The following PLEKHA1 variants were observed in gnomAD, a reference collection of about 807,000 sequenced individuals.
The protein encoded by PLEKHA1 is pleckstrin homology domain-containing family A member 1.
PLEKHA1 carries 34 observed loss-of-function variants against 52.0 expected under a neutral mutation model. The ratio of observed to expected loss-of-function variants is 0.65; its 90% CI spans 0.50 to 0.87. PLEKHA1 has a LOEUF of 0.87. Ranked by LOEUF, PLEKHA1 falls within the 40% of genes least tolerant of loss-of-function variation. PLEKHA1 has a pLI of 0.00. For synonymous variants in PLEKHA1, 163 were observed against 170.7 expected, an observed-to-expected ratio of 0.95 and a Z score of 0.35; for missense variants, 497 against 504.2, an observed-to-expected ratio of 0.99 and a Z score of 0.14.
At chr10:122,377,724 A>G (rs932212582) in intron 1 of PLEKHA1, among the ~76,000 whole-genome samples, 41 of 152,210 alleles carry the variant, frequency 2.7e-4, no homozygotes, top group African/African-American at 9.2e-4. Flanking sequence ...GACCCTAAGT[A>G]ACTTTTTTTC....
chr10:122,397,796 T>C (rs2096871357), intron 2 of PLEKHA1, 122 bp from the exon 3 acceptor site: 2 of 738,988 alleles, frequency 2.7e-6, no homozygotes, highest in Admixed American at 2.9e-5. Flanking sequence ...GAAAAGTTCA[T>C]TTGTAAAATG....
intron 5 of PLEKHA1, among the ~76,000 whole-genome samples, chr10:122,408,606 G>C (rs1249385771): frequency 2.0e-5 from 3 of 152,036 alleles, no homozygotes; most frequent in Non-Finnish European, 4.4e-5. Flanking sequence ...GTATAGATTT[G>C]ATAGTACTTA....
At chr10:122,396,426 A>G (rs1006802406) in intron 2 of PLEKHA1, among the ~76,000 whole-genome samples, 1 of 152,096 alleles carries the variant, frequency 6.6e-6, no homozygotes. Context: ...ATGAATTATA[A>G]TTTTATTTTA....
intron 1 of PLEKHA1, among the ~76,000 whole-genome samples, chr10:122,376,518 AT>A (rs367710283): frequency 9.2e-5 from 4 of 43,546 alleles, no homozygotes; most frequent in African/African-American, 1.8e-4. Flanking sequence ...ATATATATAT[AT>A]ATATATATAT....
chr10:122,409,432 T>G (rs914379577), intron 5 of PLEKHA1, among the ~76,000 whole-genome samples: 1 of 142,040 alleles, frequency 7.0e-6, no homozygotes, highest in Admixed American at 6.9e-5. Flanking sequence ...TCATTTATAG[T>G]GGAAATATAT....
intron 1 of PLEKHA1, among the ~76,000 whole-genome samples, chr10:122,384,564 G>A (rs543004708): frequency 4.7e-5 from 7 of 147,424 alleles, no homozygotes; most frequent in African/African-American, 1.0e-4. Context: ...CGCCGAGATC[G>A]TGCCACTGCA....
chr10:122,385,604 C>T (rs771586199), intron 1 of PLEKHA1, among the ~76,000 whole-genome samples: 2 of 152,204 alleles, frequency 1.3e-5, no homozygotes, highest in Non-Finnish European at 2.9e-5. Flanking sequence ...GCGTGAGCCA[C>T]TGTGCCCAGC....
intron 6 of PLEKHA1, 71 bp from the exon 7 acceptor site, chr10:122,415,788 A>G (rs2097166355): frequency 1.4e-6 from 2 of 1,403,432 alleles, no homozygotes; most frequent in South Asian, 2.8e-5. Flanking sequence ...AAGATTTTCT[A>G]CTGGGATAAT....
chr10:122,412,449 AG>A (rs1343537453), intron 5 of PLEKHA1: 4 of 153,118 alleles, frequency 2.6e-5, no homozygotes, highest in Admixed American at 1.9e-4. Flanking sequence ...AATCATGGGT[AG>A]GAATGGAGAA....
chr10:122,397,599 C>T (rs541947073), intron 2 of PLEKHA1, among the ~76,000 whole-genome samples: 1 of 152,138 alleles, frequency 6.6e-6, no homozygotes, highest in Admixed American at 6.5e-5. Context: ...ATATTTCCCC[C>T]TTGCTTTCAG....
intron 7 of PLEKHA1, among the ~76,000 whole-genome samples, chr10:122,417,438 C>G (rs761983437): frequency 6.6e-6 from 1 of 151,850 alleles, no homozygotes; most frequent in Non-Finnish European, 1.5e-5. Context: ...CACCTGAGGT[C>G]AGGAGTTTGA....
At chr10:122,375,911 G>A (rs769724789) in intron 1 of PLEKHA1, among the ~76,000 whole-genome samples, 1 of 152,172 alleles carries the variant, frequency 6.6e-6, no homozygotes, top group Non-Finnish European at 1.5e-5. Context: ...CCCCTTGTGA[G>A]TTAGTTTTCT....
chr10:122,412,648 C>G, intron 5 of PLEKHA1: 1 of 365,878 alleles, frequency 2.7e-6, no homozygotes, highest in Non-Finnish European at 5.0e-6. Flanking sequence ...GGTAGAGCCC[C>G]TATGCATAGG....
At chr10:122,385,712 C>T (rs2096683646) in intron 1 of PLEKHA1, among the ~76,000 whole-genome samples, 1 of 152,102 alleles carries the variant, frequency 6.6e-6, no homozygotes, top group South Asian at 2.1e-4. Flanking sequence ...AGCAGTATTC[C>T]ATCTCTACTG....
intron 5 of PLEKHA1, among the ~76,000 whole-genome samples, chr10:122,407,284 T>C (rs1428801926): frequency 6.6e-6 from 1 of 152,192 alleles, no homozygotes; most frequent in African/African-American, 2.4e-5. Flanking sequence ...TGCCCTCCTT[T>C]CCCATGCTAC....
intron 1 of PLEKHA1, chr10:122,387,539 G>A (rs892522345): frequency 2.0e-5 from 3 of 152,048 alleles, no homozygotes; most frequent in Non-Finnish European, 4.4e-5. Flanking sequence ...GTATTTATAT[G>A]GTATATACCT....
At chr10:122,407,414 G>A (rs945831348) in intron 5 of PLEKHA1, among the ~76,000 whole-genome samples, 9 of 152,142 alleles carry the variant, frequency 5.9e-5, no homozygotes, top group African/African-American at 2.2e-4. Flanking sequence ...CTGGAAAAGT[G>A]AGGCTTAGAA....
chr10:122,397,794 C>A, intron 2 of PLEKHA1, 124 bp from the exon 3 acceptor site: 1 of 730,688 alleles, frequency 1.4e-6, no homozygotes, highest in South Asian at 2.5e-5. Flanking sequence ...AAGAAAAGTT[C>A]ATTTGTAAAA....
chr10:122,421,243 G>A (rs2097256294), intron 8 of PLEKHA1: 1 of 152,074 alleles, frequency 6.6e-6, no homozygotes, highest in Admixed American at 6.6e-5. Context: ...CATCACTTCT[G>A]TGAAATCCCT....
Sources: allele counts gnomAD v4.1 joint callset (sites outside exome capture counted in the v4.1 genomes callset), GRCh38; gene constraint gnomAD v4.1.1; transcripts MANE v1.5; gene names NCBI Gene and HGNC (gene_info 2026-07-23, HGNC 2026-07-21).